SMC5: variants seen among roughly 807,000 people sequenced by gnomAD.
SMC5 encodes the protein structural maintenance of chromosomes 5, also known as structural maintenance of chromosomes protein 5.
A neutral mutation model predicts 148.3 loss-of-function variants in SMC5; 88 were observed. The ratio of observed to expected loss-of-function variants is 0.59; its 90% CI spans 0.50 to 0.71. SMC5 has a LOEUF of 0.71. Ranked by LOEUF, SMC5 falls within the 30% of genes least tolerant of loss-of-function variation. The pLI is 0.00. For missense variants in SMC5, 1,142 were observed against 1,298.9 expected, an observed-to-expected ratio of 0.88 and a Z score of 1.86; for synonymous variants, 421 against 432.8, an observed-to-expected ratio of 0.97 and a Z score of 0.34.
chr9:70,317,902 G>C (rs1256529115), intron 13 of SMC5, among the ~76,000 whole-genome samples: 1 of 152,140 alleles, frequency 6.6e-6, no homozygotes, highest in Non-Finnish European at 1.5e-5. Flanking sequence ...ATAACTGAGA[G>C]GAGGGGAGAG....
chr9:70,328,545 G>T (rs529724801), intron 17 of SMC5, among the ~76,000 whole-genome samples: 3 of 152,180 alleles, frequency 2.0e-5, no homozygotes, highest in Non-Finnish European at 4.4e-5. Context: ...GCAAGGAGTG[G>T]GCTCCCAAGG....
chr9:70,283,025 C>T lies in SMC5; in HGVS notation c.981+442C>T, dbSNP rs910027432. 3.3e-5 allele frequency among the ~76,000 whole-genome samples: 5 copies of T among 152,272 alleles called. No homozygotes were observed. The South Asian group carries it at 6.2e-4, about 19-fold the overall frequency. On this transcript the variant is annotated intron_variant, in intron 7 of 24. Transcript: ENST00000361138. Reference sequence around the variant, plus strand: ...TTTTATGACTATGGCTTCTAACCTTCGGTGGATTTTGAAGTTAGAGATTAT... The same window carrying T: ...TTTTATGACTATGGCTTCTAACCTTTGGTGGATTTTGAAGTTAGAGATTAT...
At chr9:70,342,395 A>G (rs1195588625) in intron 17 of SMC5, among the ~76,000 whole-genome samples, 2 of 152,038 alleles carry the variant, frequency 1.3e-5, no homozygotes, top group Non-Finnish European at 2.9e-5. Context: ...TGTAATAATA[A>G]TAAAATAATA....
rs183656956 is a variant in SMC5, at chr9:70,281,150, G to T, written c.819+251G>T. 6.6e-5 allele frequency among the ~76,000 whole-genome samples: 10 copies of T among 151,540 alleles called. No individual in the cohort carries two copies. In the East Asian group the frequency reaches 1.9e-3, roughly 29 times the overall value. Reference sequence around the variant, plus strand: ...CCTCCTGGGTTCAAGCGATTCTCCTGCCTCAGCCTCCCAGTAGTTGGGATT... The same window carrying T: ...CCTCCTGGGTTCAAGCGATTCTCCTTCCTCAGCCTCCCAGTAGTTGGGATT... On this transcript the variant is annotated intron_variant, in intron 6 of 24. Transcript: ENST00000361138.
intron 10 of SMC5, among the ~76,000 whole-genome samples, chr9:70,302,231 T>G (rs1489111376): frequency 6.6e-6 from 1 of 152,056 alleles, no homozygotes; most frequent in Non-Finnish European, 1.5e-5. Context: ...TTGGGCACGG[T>G]GGCTCATGCC....
intron 18 of SMC5, 86 bp from the exon 19 acceptor site, chr9:70,346,519 T>C: frequency 1.5e-6 from 2 of 1,303,250 alleles, no homozygotes; most frequent in South Asian, 1.3e-5. Flanking sequence ...GATGCTTTTT[T>C]AGTTCTTCAT....
At chr9:70,335,665 T>C (rs902781850) in intron 17 of SMC5, among the ~76,000 whole-genome samples, 1 of 152,194 alleles carries the variant, frequency 6.6e-6, no homozygotes, top group African/African-American at 2.4e-5. Flanking sequence ...GAGCATACAC[T>C]ATATAATTTC....
At chr9:70,282,279 A>G in intron 6 of SMC5, 143 bp from the exon 7 acceptor site, 1 of 729,904 alleles carries the variant, frequency 1.4e-6, no homozygotes, top group Middle Eastern at 4.2e-4. Flanking sequence ...AAGTTGTCCC[A>G]GAGGACAAAT....
rs1416874253 is a variant in SMC5 at position 70,341,037 on chromosome 9, A to T, written c.2398-3107A>T. 2.0e-5 allele frequency among the ~76,000 whole-genome samples: 3 copies of T among 152,300 alleles called. No individual in the cohort carries two copies. In the East Asian group the frequency reaches 5.8e-4, roughly 29 times the overall value. ...TATTAACTATTAAAGGCTAGACTCT[A>T]AGCAGAAATGTAGATAAAGCCTTTT... is the stretch of plus-strand genomic sequence containing the variant. On this transcript the variant is annotated intron_variant, in intron 17 of 24. Transcript: ENST00000361138.
intron 1 of SMC5, 82 bp from the exon 2 acceptor site, chr9:70,264,222 T>C: frequency 1.6e-6 from 2 of 1,259,476 alleles, no homozygotes; most frequent in South Asian, 3.7e-5. Context: ...TTAAAGGAAT[T>C]TGAGGAAGCT....
chr9:70,282,811 T>C (rs1030749573), intron 7 of SMC5, among the ~76,000 whole-genome samples: 1 of 152,174 alleles, frequency 6.6e-6, no homozygotes, highest in African/African-American at 2.4e-5. Flanking sequence ...AAGTGAAATA[T>C]GATTTTTTTT....
chr9:70,272,619 A>G (rs1465864996), intron 3 of SMC5, among the ~76,000 whole-genome samples: 6 of 152,250 alleles, frequency 3.9e-5, no homozygotes, highest in African/African-American at 7.2e-5. Flanking sequence ...TAAACCTGTC[A>G]TTCTTGGAGA....
At chr9:70,298,801 C>T (rs2035279562) in intron 9 of SMC5, among the ~76,000 whole-genome samples, 1 of 151,402 alleles carries the variant, frequency 6.6e-6, no homozygotes, top group Admixed American at 6.6e-5. Context: ...ACCTCCAAAG[C>T]CAACCAAGAG....
At chr9:70,270,796 A>G (rs1476756657) in intron 3 of SMC5, among the ~76,000 whole-genome samples, 2 of 151,698 alleles carry the variant, frequency 1.3e-5, no homozygotes, top group African/African-American at 4.8e-5. Flanking sequence ...ACAAGCACCC[A>G]CCACCACACC....
chr9:70,345,910 C>G (rs1420273368), intron 18 of SMC5, among the ~76,000 whole-genome samples: 1 of 152,106 alleles, frequency 6.6e-6, no homozygotes, highest in Non-Finnish European at 1.5e-5. Context: ...AGGGTGATAG[C>G]ACTGAAGAGA....
At chr9:70,290,731 C>A (rs2035034497) in intron 8 of SMC5, among the ~76,000 whole-genome samples, 1 of 151,924 alleles carries the variant, frequency 6.6e-6, no homozygotes, top group African/African-American at 2.4e-5. Context: ...AATCCTTTTC[C>A]TATTTAGAAA....
At chr9:70,316,090 A>G (rs2035793602) in intron 13 of SMC5, among the ~76,000 whole-genome samples, 1 of 152,074 alleles carries the variant, frequency 6.6e-6, no homozygotes, top group Admixed American at 6.5e-5. Context: ...TAGTACATAC[A>G]GCCAAAGAAA....
intron 17 of SMC5, among the ~76,000 whole-genome samples, chr9:70,336,703 A>G (rs7021559): frequency 1.1e-3 from 165 of 152,288 alleles, no homozygotes; most frequent in African/African-American, 3.7e-3. Context: ...TACTTCATTG[A>G]TTGAGCTTAT....
At chr9:70,299,068 A>C (rs1205116822) in intron 9 of SMC5, among the ~76,000 whole-genome samples, 2 of 151,824 alleles carry the variant, frequency 1.3e-5, no homozygotes, top group African/African-American at 4.8e-5. Flanking sequence ...TTCAGTCCAC[A>C]CTTCATAAGC....
Sources: gnomAD v4.1 joint callset for allele counts (sites outside exome capture counted in the v4.1 genomes callset) on GRCh38, gnomAD v4.1.1 for gene constraint, MANE v1.5 for transcripts, NCBI Gene and HGNC (gene_info 2026-07-23, HGNC 2026-07-21) for gene names.